Variants in KLF8 observed in about 807,000 individuals in gnomAD.
The protein encoded by KLF8 is Krueppel-like factor 8.
Under a neutral mutation model 18.2 loss-of-function variants are expected in KLF8, and 10 were observed. The ratio of observed to expected loss-of-function variants is 0.55; its 90% CI spans 0.34 to 0.93. The LOEUF (loss-of-function observed/expected upper bound fraction) is 0.93, where lower values mean the gene tolerates loss of function less well. Ranked by LOEUF, KLF8 falls within the 40% of genes least tolerant of loss-of-function variation. The probability of loss-of-function intolerance (pLI) is 0.02; values close to 1 mark genes in which losing one functional copy is unlikely to be tolerated. For missense variants in KLF8, 264 were observed against 277.9 expected (o/e 0.95, Z 0.36); for synonymous variants, 109 against 97.3 (o/e 1.12, Z -0.71).
the KLF8 span, among the ~76,000 whole-genome samples, chrX:56,083,883 C>T: frequency 9.0e-6 from 1 of 111,730 alleles, no homozygotes; most frequent in Non-Finnish European, 1.9e-5. Context: ...CATCCCAAAA[C>T]TATACTTCCC....
chrX:56,184,501 G>C, the KLF8 span, among the ~76,000 whole-genome samples: 1 of 112,364 alleles, frequency 8.9e-6, no homozygotes, highest in Non-Finnish European at 1.9e-5. Flanking sequence ...GTCCCTTTCT[G>C]ACAACTTTGA....
the KLF8 span, among the ~76,000 whole-genome samples, chrX:56,010,042 A>G: frequency 8.9e-6 from 1 of 112,391 alleles, no homozygotes; most frequent in Non-Finnish European, 1.9e-5. Context: ...ATACTTTAGA[A>G]TATTATCCAG....
chrX:55,986,940 G>T, the KLF8 span, among the ~76,000 whole-genome samples: 1 of 111,532 alleles, frequency 9.0e-6, no homozygotes, highest in Non-Finnish European at 1.9e-5. Context: ...CCAAGTTTCT[G>T]CAAGGGGCAT....
chrX:56,073,748 CTTT>C, the KLF8 span, among the ~76,000 whole-genome samples: 1 of 92,604 alleles, frequency 1.1e-5, no homozygotes. Context: ...CTAATGATGG[CTTT>C]TTTTTTTTTT....
chrX:56,061,118 C>T, the KLF8 span, among the ~76,000 whole-genome samples: 1 of 111,588 alleles, frequency 9.0e-6, no homozygotes, highest in Non-Finnish European at 1.9e-5. Flanking sequence ...AAAACCAGCT[C>T]CTGGATTCAT....
chrX:56,286,595 A>T lies in KLF8; in HGVS notation c.*2101A>T, dbSNP rs2067270650. On this transcript the variant is annotated 3_prime_UTR_variant, in exon 6 of 6. Coordinates refer to ENST00000468660, the MANE Select transcript of KLF8 (RefSeq NM_007250.5). ...TAGCAAGTAAAATGTACTTGTGGTC[A>T]TTGCCGTATAACATTAGGCACACGC... 1 of 112,848 alleles carries T rather than the reference A, an allele frequency of 8.9e-6. No individual in the cohort carries two copies. Among genetic ancestry groups the T allele is most frequent in the African/African-American group, 3.2e-5 (1 of 31,044 alleles). 9.3% of individuals were successfully genotyped at this position (112,848 alleles called of 1,213,427 possible). A position where few individuals can be genotyped will look rare whatever the true frequency, so the allele number is the denominator to read the frequency against.
At chrX:56,009,736 C>T in the KLF8 span, among the ~76,000 whole-genome samples, 1 of 111,936 alleles carries the variant, frequency 8.9e-6, no homozygotes, top group Non-Finnish European at 1.9e-5. Context: ...GAGCTGTTAA[C>T]CAGAATAACC....
At chrX:55,991,206 C>T in the KLF8 span, among the ~76,000 whole-genome samples, 1 of 112,110 alleles carries the variant, frequency 8.9e-6, no homozygotes, top group Non-Finnish European at 1.9e-5. Flanking sequence ...TCGGCAATGG[C>T]AGGCGCCCTT....
At chrX:56,175,054 G>T in the KLF8 span, among the ~76,000 whole-genome samples, 1 of 107,920 alleles carries the variant, frequency 9.3e-6, no homozygotes. Context: ...TCAGCTCCTG[G>T]ATTCATTGAT....
the KLF8 span, among the ~76,000 whole-genome samples, chrX:56,095,635 T>C: frequency 1.8e-5 from 2 of 110,772 alleles, no homozygotes; most frequent in Non-Finnish European, 3.8e-5. Context: ...TATTTAAAAA[T>C]GGGAAGGGAT....
the KLF8 span, among the ~76,000 whole-genome samples, chrX:56,141,148 G>A: frequency 2.7e-5 from 3 of 111,304 alleles, no homozygotes; most frequent in Non-Finnish European, 5.7e-5. Flanking sequence ...TATATTTTTA[G>A]TAGAGACAGG....
chrX:56,170,424 C>CA, the KLF8 span, among the ~76,000 whole-genome samples: 1 of 109,912 alleles, frequency 9.1e-6, no homozygotes, highest in African/African-American at 3.3e-5. Context: ...TGACAAAACT[C>CA]AAAAAAGTTC....
chrX:56,053,550 T>TG, the KLF8 span, among the ~76,000 whole-genome samples: 4,635 of 103,828 alleles, frequency 0.045, 294 homozygotes, highest in African/African-American at 0.15. Context: ...CTTTGTTTTT[T>TG]TTTTTTTGGG....
At chrX:55,937,150 C>T in the KLF8 span, among the ~76,000 whole-genome samples, 10 of 110,695 alleles carry the variant, frequency 9.0e-5, no homozygotes, top group East Asian at 8.6e-4. Context: ...ACACCTCACA[C>T]GGCCGGGTAC....
the KLF8 span, among the ~76,000 whole-genome samples, chrX:55,952,595 T>C: frequency 2.7e-5 from 3 of 112,127 alleles, no homozygotes; most frequent in Non-Finnish European, 5.6e-5. Flanking sequence ...GTGATTACAG[T>C]GGACCCACTT....
rs746570042 is a variant in KLF8 at position 56,242,804 on chromosome X, G to A, written c.8-7427G>A. 703 of 262,466 alleles carry A rather than the reference G, an allele frequency of 2.7e-3. 4 individuals carry two copies. Among genetic ancestry groups the A allele is most frequent in the Non-Finnish European group, 4.3e-3 (621 of 143,548 alleles). The allele number at this position is 262,466 out of a possible 1,213,427, so 21.6% of individuals were successfully genotyped here. ...AAATTCTGTTCTTTTTAACATCCTA[G>A]TTTGCCCCCACTTCCTTTTCTCTCA... On this transcript the variant is annotated intron_variant, in intron 1 of 5. Transcript: ENST00000468660.
chrX:55,936,638 G>A, the KLF8 span, among the ~76,000 whole-genome samples: 2 of 112,519 alleles, frequency 1.8e-5, no homozygotes, highest in Non-Finnish European at 3.8e-5. Context: ...CAAAGAAAGG[G>A]GTGACAGATG....
chrX:55,930,780 G>A, the KLF8 span, among the ~76,000 whole-genome samples: 4 of 111,694 alleles, frequency 3.6e-5, no homozygotes, highest in East Asian at 2.8e-4. Flanking sequence ...GGTGGATTTC[G>A]CTTGCCAGTA....
chrX:56,046,276 A>G, the KLF8 span, among the ~76,000 whole-genome samples: 1 of 111,393 alleles, frequency 9.0e-6, no homozygotes, highest in Non-Finnish European at 1.9e-5. Flanking sequence ...TTTTGCATCT[A>G]TGATCATCAG....
Sources: allele counts gnomAD v4.1 joint callset (sites outside exome capture counted in the v4.1 genomes callset), GRCh38; gene constraint gnomAD v4.1.1; transcripts MANE v1.5; gene names NCBI Gene and HGNC (gene_info 2026-07-23, HGNC 2026-07-21).